ARHGAP10: variants seen among roughly 807,000 people sequenced by gnomAD.
ARHGAP10 encodes the protein rho GTPase-activating protein 10.
ARHGAP10 carries 87 observed loss-of-function variants against 108.6 expected under a neutral mutation model. The ratio of observed to expected loss-of-function variants is 0.80; its 90% confidence interval spans 0.67 to 0.96. The LOEUF (loss-of-function observed/expected upper bound fraction) is 0.96, where lower values mean the gene tolerates loss of function less well. Among genes scored for constraint, ARHGAP10 ranks in the 40% least tolerant of loss-of-function variants. The probability of loss-of-function intolerance (pLI) is 0.00; values close to 1 mark genes in which losing one functional copy is unlikely to be tolerated. For missense variants in ARHGAP10, 939 were observed against 954.5 expected, an observed-to-expected ratio of 0.98 and a Z score of 0.21; for synonymous variants, 347 against 341.1, an observed-to-expected ratio of 1.02 and a Z score of -0.19.
At position 148,047,034 on chromosome 4, in the gene ARHGAP10, A is replaced by T; in HGVS notation, c.2010A>T (p.Gly670=). 2 of 1,614,102 alleles carry T rather than the reference A, an allele frequency of 1.2e-6. No individual in the cohort carries two copies. The highest frequency in any genetic ancestry group is 1.1e-5 in the South Asian group (1 of 91,064). Reference sequence around the variant, plus strand: ...TTCTGGCAGATGGAGGGAGCTTTGGAGACTGGGCATCCACTATGTAAGTAA... The same window carrying T: ...TTCTGGCAGATGGAGGGAGCTTTGGTGACTGGGCATCCACTATGTAAGTAA... The part of the protein sequence containing the change: ...NHLLADGGSF[G]DWASTIPGQT... The change falls in exon 20 of 23, where the codon GGA becomes GGT. Residue 670 remains glycine (G), a synonymous_variant. Coordinates refer to ENST00000336498, the MANE Select transcript of ARHGAP10 (RefSeq NM_024605.4).
intron 19 of ARHGAP10, among the ~76,000 whole-genome samples, chr4:148,030,208 G>C (rs1728084550): frequency 6.6e-6 from 1 of 152,030 alleles, no homozygotes; most frequent in Non-Finnish European, 1.5e-5. Context: ...CAGATTTATA[G>C]AAGAGAGAAA....
chr4:147,742,552 C>T (rs776510522), intron 1 of ARHGAP10, among the ~76,000 whole-genome samples: 31 of 132,278 alleles, frequency 2.3e-4, no homozygotes, highest in Admixed American at 6.7e-4. Flanking sequence ...GGCACAATCT[C>T]GACTCACTGC....
At chr4:147,883,106 G>T (rs183737175) in intron 10 of ARHGAP10, among the ~76,000 whole-genome samples, 23 of 152,282 alleles carry the variant, frequency 1.5e-4, no homozygotes, top group African/African-American at 5.1e-4. Flanking sequence ...TGTAATAAAT[G>T]AATTGAAGAC....
intron 3 of ARHGAP10, among the ~76,000 whole-genome samples, chr4:147,826,844 A>G (rs890600696): frequency 1.3e-5 from 2 of 152,076 alleles, no homozygotes; most frequent in African/African-American, 4.8e-5. Context: ...GTCATATTCA[A>G]GTTTTCCTGA....
intron 20 of ARHGAP10, among the ~76,000 whole-genome samples, chr4:148,047,292 A>C: frequency 6.6e-6 from 1 of 152,196 alleles, no homozygotes; most frequent in East Asian, 1.9e-4. Context: ...ATCGAAGTTC[A>C]ATTCCTGGGC....
At chr4:147,758,134 A>G (rs1402847339) in intron 1 of ARHGAP10, among the ~76,000 whole-genome samples, 1 of 152,140 alleles carries the variant, frequency 6.6e-6, no homozygotes, top group Non-Finnish European at 1.5e-5. Context: ...GTGGTAGCAC[A>G]TGCCTATAAT....
At chr4:148,066,624 G>A (rs187116037) in intron 22 of ARHGAP10, among the ~76,000 whole-genome samples, 54 of 152,352 alleles carry the variant, frequency 3.5e-4, no homozygotes, top group African/African-American at 1.1e-3. Context: ...CAGTGTCTCC[G>A]TGTGTTTTGG....
At chr4:148,025,013 A>G (rs1270546541) in intron 19 of ARHGAP10, among the ~76,000 whole-genome samples, 3 of 152,224 alleles carry the variant, frequency 2.0e-5, no homozygotes, top group African/African-American at 7.2e-5. Flanking sequence ...GATCACGTCT[A>G]CTATTTTGAT....
chr4:147,846,986 A>C (rs1733662517), intron 3 of ARHGAP10, among the ~76,000 whole-genome samples, 165 bp from the exon 4 acceptor site: 1 of 152,188 alleles, frequency 6.6e-6, no homozygotes, highest in South Asian at 2.1e-4. Context: ...CTAGTGCTTT[A>C]ATAAGTTGAG....
In ARHGAP10 at chr4:147,906,648, T is replaced by C. The variant is rs1387106376; in HGVS notation, c.1045T>C (p.Ser349Pro). ...DIEAADRPGV[S>P]LTMQAFSEEE... ...ACTGGTGTCTTTCAGGCCTGGCGTT[T>C]CCTTGACCATGCAGGCATTTTCCGA... Residue 349 changes from serine to proline, a missense_variant, in exon 11 of 23, where the codon TCC becomes CCC. Physicochemically the swap from Ser to Pro is moderately conservative, Grantham distance 74. Coordinates refer to ENST00000336498, the MANE Select transcript of ARHGAP10 (RefSeq NM_024605.4). The C allele has an allele frequency of 3.1e-6, 5 of 1,614,032 alleles. No individual in the cohort carries two copies. The highest frequency in any genetic ancestry group is 2.2e-5 in the East Asian group (1 of 44,890).
At chr4:147,848,620 T>G (rs1405732826) in intron 4 of ARHGAP10, among the ~76,000 whole-genome samples, 2 of 152,264 alleles carry the variant, frequency 1.3e-5, no homozygotes, top group Non-Finnish European at 2.9e-5. Context: ...TGGCAGGTAT[T>G]CCGTGTAAAC....
At chr4:147,826,158 C>T (rs1167214638) in intron 3 of ARHGAP10, among the ~76,000 whole-genome samples, 3 of 152,208 alleles carry the variant, frequency 2.0e-5, no homozygotes, top group African/African-American at 7.2e-5. Flanking sequence ...TTTAGCTCTA[C>T]AGAAATAGCG....
chr4:147,899,230 G>T (rs141076993), intron 10 of ARHGAP10, among the ~76,000 whole-genome samples: 1 of 152,096 alleles, frequency 6.6e-6, no homozygotes, highest in East Asian at 1.9e-4. Flanking sequence ...TTAAAATTTT[G>T]TTAAAATTCC....
chr4:147,783,225 G>T (rs1220489198), intron 1 of ARHGAP10, among the ~76,000 whole-genome samples: 1 of 135,428 alleles, frequency 7.4e-6, no homozygotes, highest in Non-Finnish European at 1.5e-5. Context: ...ATTATGTATT[G>T]TATAATTTAT....
chr4:147,746,741 T>G (rs1578994663), intron 1 of ARHGAP10, among the ~76,000 whole-genome samples: 1 of 152,120 alleles, frequency 6.6e-6, no homozygotes, highest in East Asian at 1.9e-4. Flanking sequence ...GAAGAAGTGG[T>G]GGGAGGGTGT....
At chr4:147,871,093 G>C (rs1298277039) in intron 7 of ARHGAP10, among the ~76,000 whole-genome samples, 2 of 151,986 alleles carry the variant, frequency 1.3e-5, no homozygotes, top group Non-Finnish European at 2.9e-5. Context: ...CCGAGTAGCT[G>C]GGACTACAGG....
At chr4:147,993,617 C>T (rs972269213) in intron 18 of ARHGAP10, among the ~76,000 whole-genome samples, 1 of 152,200 alleles carries the variant, frequency 6.6e-6, no homozygotes, top group South Asian at 2.1e-4. Flanking sequence ...GTCTGGAGAT[C>T]GTCTGAGTTT....
intron 19 of ARHGAP10, among the ~76,000 whole-genome samples, chr4:148,046,084 G>T (rs1374304402): frequency 6.6e-6 from 1 of 152,234 alleles, no homozygotes; most frequent in Non-Finnish European, 1.5e-5. Context: ...TGCAGATCAG[G>T]TGCATTTTAT....
intron 13 of ARHGAP10, among the ~76,000 whole-genome samples, chr4:147,917,791 C>T (rs1737051052): frequency 6.6e-6 from 1 of 152,118 alleles, no homozygotes; most frequent in African/African-American, 2.4e-5. Context: ...AGTTTTTGAT[C>T]ATGAAAATAA....
Sources: allele counts gnomAD v4.1 joint callset (sites outside exome capture counted in the v4.1 genomes callset), GRCh38; gene constraint gnomAD v4.1.1; transcripts MANE v1.5; gene names NCBI Gene and HGNC (gene_info 2026-07-23, HGNC 2026-07-21).